The following HHIPL1 variants were observed in gnomAD, a reference collection of about 807,000 sequenced individuals.
HHIPL1 encodes HHIP like 1, also known as HHIP-like protein 1.
In HHIPL1, 43 loss-of-function variants were observed where a neutral mutation model predicts 61.8. The ratio of observed to expected loss-of-function variants is 0.70; its 90% CI spans 0.55 to 0.90. The LOEUF is 0.90. Among genes scored for constraint, HHIPL1 ranks in the 40% least tolerant of loss-of-function variants. The pLI is 0.00. For synonymous variants in HHIPL1, 482 were observed against 515.8 expected, an observed-to-expected ratio of 0.93 and a Z score of 0.89; for missense variants, 1,056 against 1,157.7, an observed-to-expected ratio of 0.91 and a Z score of 1.28.
chr14:99,633,555 G>A, the HHIPL1 span, among the ~76,000 whole-genome samples: 1 of 152,184 alleles, frequency 6.6e-6, no homozygotes, highest in East Asian at 1.9e-4. Context: ...CTGGGATGAG[G>A]GTGCAAATCA....
At chr14:99,606,178 G>C in the HHIPL1 span, among the ~76,000 whole-genome samples, 1 of 152,148 alleles carries the variant, frequency 6.6e-6, no homozygotes, top group African/African-American at 2.4e-5. Flanking sequence ...AGCTTCCAAG[G>C]TTAAACCCCA....
chr14:99,672,309 G>T lies in HHIPL1; in HGVS notation c.1731-8G>T, dbSNP rs755421085. ...TGAGACTCATAACCTCCTGTGTGTC[G>T]TTGGCAGGCGGGCACCACCTGGCAA... On this transcript the variant is annotated splice_region_variant and splice_polypyrimidine_tract_variant and intron_variant, in intron 7 of 8. Transcript: ENST00000330710. The T allele has an allele frequency of 6.4e-5, 100 of 1,550,830 alleles. 1 individual carries two copies. The highest frequency in any genetic ancestry group is 3.3e-4 in the Middle Eastern group (2 of 6,014).
the HHIPL1 span, among the ~76,000 whole-genome samples, chr14:99,622,946 C>T: frequency 1.4e-4 from 21 of 152,220 alleles, no homozygotes; most frequent in Non-Finnish European, 2.8e-4. Flanking sequence ...CAGAGCCTAC[C>T]TGGGAGTTAA....
rs900537265 is a variant in HHIPL1, at chr14:99,678,424, A to C, written c.*2798A>C. ...CAAGGCAATTTTACTTTCTGCAGAA[A>C]GGGTGCTCATCGCAGATGGAACAAT... On this transcript the variant is annotated 3_prime_UTR_variant, in exon 9 of 9. Coordinates refer to ENST00000330710, the MANE Select transcript of HHIPL1 (RefSeq NM_001127258.3). The C allele has an allele frequency of 1.3e-5, 2 of 152,270 alleles. No homozygotes were observed. Among genetic ancestry groups the C allele is most frequent in the African/African-American group, 4.8e-5 (2 of 41,464 alleles). 9.4% of individuals were successfully genotyped at this position (152,270 alleles called of 1,614,324 possible). A position where few individuals can be genotyped will look rare whatever the true frequency, so the allele number is the denominator to read the frequency against.
rs374656803 is a variant in HHIPL1 at position 99,672,344 on chromosome 14, C to T, written c.1758C>T (p.Ile586=). The change falls in exon 8 of 9, where the codon ATC becomes ATT. Residue 586 remains isoleucine (I), a synonymous_variant. Transcript: ENST00000330710. The part of the protein sequence containing the change: ...SRRAPPGKCQ[I]QPAQVKIRSR... ...GGGCACCACCTGGCAAATGTCAGAT[C>T]CAGCCTGCTCAGGTGAAGATCAGAA... is the stretch of plus-strand genomic sequence containing the variant. 1.7e-5 allele frequency: 26 copies of T among 1,551,108 alleles called. No homozygotes were observed. The highest frequency in any genetic ancestry group is 1.3e-4 in the South Asian group (11 of 84,068).
At chr14:99,655,905 C>G (rs1043626757) in intron 2 of HHIPL1, among the ~76,000 whole-genome samples, 2 of 152,234 alleles carry the variant, frequency 1.3e-5, no homozygotes, top group Non-Finnish European at 2.9e-5. Flanking sequence ...CAGGAGTCCA[C>G]GTTCACCAGC....
At chr14:99,627,508 G>C in the HHIPL1 span, among the ~76,000 whole-genome samples, 1 of 152,210 alleles carries the variant, frequency 6.6e-6, no homozygotes, top group Non-Finnish European at 1.5e-5. The surrounding 1 kb of genome is among the most constrained non-coding windows in gnomAD (Gnocchi z 4.4). Context: ...GCCACATTCT[G>C]TGCCAGGTGC....
Position 99,678,341 on chromosome 14 carries a change from T to C in HHIPL1, c.*2715T>C, listed in dbSNP as rs1240955919. 1 of 152,218 alleles carries C rather than the reference T, an allele frequency of 6.6e-6. No homozygotes were observed. The highest frequency in any genetic ancestry group is 1.5e-5 in the Non-Finnish European group (1 of 68,040). The allele number at this position is 152,218 out of a possible 1,614,324, so 9.4% of individuals were successfully genotyped here. A position where few individuals can be genotyped will look rare whatever the true frequency, so the allele number is the denominator to read the frequency against. On this transcript the variant is annotated 3_prime_UTR_variant, in exon 9 of 9. Coordinates refer to ENST00000330710, the MANE Select transcript of HHIPL1 (RefSeq NM_001127258.3). Reference sequence around the variant, plus strand: ...AGAGTGGACAGCTGTTATATGTAAATACTTGTTCCCCGATGCTGGAAAGAA... The same window carrying C: ...AGAGTGGACAGCTGTTATATGTAAACACTTGTTCCCCGATGCTGGAAAGAA...
chr14:99,631,382 T>C, the HHIPL1 span, among the ~76,000 whole-genome samples: 1 of 152,070 alleles, frequency 6.6e-6, no homozygotes. Context: ...GGTTCCATTT[T>C]CAAATACGGT....
At chr14:99,654,207 A>G (rs1196726098) in intron 2 of HHIPL1, among the ~76,000 whole-genome samples, 1 of 151,310 alleles carries the variant, frequency 6.6e-6, no homozygotes, top group African/African-American at 2.4e-5. Flanking sequence ...AAAAAAAAAA[A>G]AGAAAAAAGA....
chr14:99,610,110 C>T, the HHIPL1 span, among the ~76,000 whole-genome samples: 2 of 152,198 alleles, frequency 1.3e-5, no homozygotes, highest in South Asian at 4.1e-4. Context: ...GGAAATTCTC[C>T]GCCTGCCCCT....
At chr14:99,654,535 G>A (rs544992225) in intron 2 of HHIPL1, among the ~76,000 whole-genome samples, 1 of 152,372 alleles carries the variant, frequency 6.6e-6, no homozygotes, top group South Asian at 2.1e-4. Flanking sequence ...CCTGGGAAAT[G>A]TCGTTCATAG....
upstream of HHIPL1, among the ~76,000 whole-genome samples, chr14:99,642,445 T>G (rs531050291): frequency 2.0e-5 from 3 of 152,374 alleles, no homozygotes; most frequent in African/African-American, 7.2e-5. Flanking sequence ...TCACTGGTGT[T>G]CTCCTCGGCA....
At chr14:99,650,611 A>G (rs1165534827) in intron 1 of HHIPL1, among the ~76,000 whole-genome samples, 1 of 152,188 alleles carries the variant, frequency 6.6e-6, no homozygotes, top group Non-Finnish European at 1.5e-5. Flanking sequence ...GCCCACTGGC[A>G]TGTGACATGA....
rs1315968412 is a variant in HHIPL1, at chr14:99,646,827, G to GATATA, written c.255+1369_255+1370insAATAT. 3.1e-3 allele frequency among the ~76,000 whole-genome samples: 265 copies of GATATA among 84,846 alleles called. 3 individuals are homozygous for GATATA. Among genetic ancestry groups the GATATA allele is most frequent in the Non-Finnish European group, 3.7e-3 (142 of 37,890 alleles). The allele number at this position is 84,846 out of a possible 152,430, so 55.7% of individuals were successfully genotyped here. On this transcript the variant is annotated intron_variant, in intron 1 of 8. Coordinates refer to ENST00000330710, the MANE Select transcript of HHIPL1 (RefSeq NM_001127258.3). ...GATATGATATGATATGATATGATAT[G>GATATA]ATATGATATAATATAATATAATATA...
chr14:99,655,494 T>G (rs560891743), intron 2 of HHIPL1, among the ~76,000 whole-genome samples: 1 of 152,180 alleles, frequency 6.6e-6, no homozygotes, highest in Admixed American at 6.5e-5. Flanking sequence ...CATGGTGGCA[T>G]GCACCTGTAG....
intron 7 of HHIPL1, among the ~76,000 whole-genome samples, chr14:99,671,573 G>A (rs1339673465): frequency 6.6e-6 from 1 of 152,176 alleles, no homozygotes; most frequent in Non-Finnish European, 1.5e-5. Context: ...GGGCCCACGT[G>A]GGTCTGTCCT....
the HHIPL1 span, among the ~76,000 whole-genome samples, chr14:99,637,039 GA>G: frequency 4.6e-4 from 48 of 105,306 alleles, 1 homozygote; most frequent in African/African-American, 1.3e-3. Flanking sequence ...AAGAAAGAAA[GA>G]AAGAAAGAAG....
intron 1 of HHIPL1, among the ~76,000 whole-genome samples, chr14:99,647,645 T>A (rs1377980652): frequency 1.3e-5 from 2 of 152,174 alleles, no homozygotes; most frequent in Non-Finnish European, 2.9e-5. Flanking sequence ...GGGTTATGGT[T>A]TCACTGACGG....
Sources: gnomAD v4.1 joint callset for allele counts (sites outside exome capture counted in the v4.1 genomes callset) on GRCh38, gnomAD v4.1.1 for gene constraint, Gnocchi (gnomAD v3.1) non-coding constraint, MANE v1.5 for transcripts, NCBI Gene and HGNC (gene_info 2026-07-23, HGNC 2026-07-21) for gene names.